Variants in ZMYND11 observed in about 807,000 individuals in gnomAD.
The protein encoded by ZMYND11 is zinc finger MYND domain-containing protein 11.
A neutral mutation model predicts 84.9 loss-of-function variants in ZMYND11; 9 were observed. The ratio of observed to expected loss-of-function variants is 0.11; its 90% CI spans 0.06 to 0.18. ZMYND11 has a LOEUF of 0.18. Ranked by LOEUF, ZMYND11 falls within the 10% of genes least tolerant of loss-of-function variation. The probability of loss-of-function intolerance (pLI) is 1.00; values close to 1 mark genes in which losing one functional copy is unlikely to be tolerated. For missense variants in ZMYND11, 409 were observed against 761.0 expected, an observed-to-expected ratio of 0.54 and a Z score of 5.44; for synonymous variants, 250 against 244.1, an observed-to-expected ratio of 1.02 and a Z score of -0.23.
upstream of ZMYND11, chr10:134,368 C>G (rs938752606): frequency 8.5e-5 from 13 of 152,206 alleles, no homozygotes; most frequent in Admixed American, 8.5e-4. Flanking sequence ...CAGGTGAACG[C>G]TATCAAAGTA....
intron 9 of ZMYND11, 106 bp from the exon 10 acceptor site, chr10:241,906 TATGAAAGAA>T: frequency 7.6e-7 from 1 of 1,313,538 alleles, no homozygotes; most frequent in African/African-American, 1.5e-5. Flanking sequence ...GTTTAGGAGT[TATGAAAGAA>T]ATATTTTAGA....
intron 3 of ZMYND11, among the ~76,000 whole-genome samples, chr10:211,473 A>G (rs1945218381): frequency 6.6e-6 from 1 of 152,178 alleles, no homozygotes; most frequent in South Asian, 2.1e-4. Flanking sequence ...TTCTGGCTCT[A>G]CAGCAGATGA....
At chr10:158,920 T>C (rs1842306750) in intron 1 of ZMYND11, among the ~76,000 whole-genome samples, 1 of 151,652 alleles carries the variant, frequency 6.6e-6, no homozygotes, top group Non-Finnish European at 1.5e-5. Flanking sequence ...TGTATTTCTA[T>C]TGTTGTAATA....
intron 4 of ZMYND11, among the ~76,000 whole-genome samples, chr10:225,790 C>T (rs756429168): frequency 2.0e-5 from 3 of 152,210 alleles, no homozygotes; most frequent in African/African-American, 4.8e-5. Context: ...GGCTTGCAAG[C>T]CTGCTGGTGA....
upstream of ZMYND11, among the ~76,000 whole-genome samples, chr10:133,975 C>T (rs1377110312): frequency 6.6e-6 from 1 of 152,226 alleles, no homozygotes; most frequent in East Asian, 1.9e-4. Context: ...TAGAAACCAG[C>T]TGTAGAAGCA....
intron 3 of ZMYND11, among the ~76,000 whole-genome samples, chr10:218,786 A>G (rs1254089724): frequency 6.6e-6 from 1 of 152,212 alleles, no homozygotes; most frequent in African/African-American, 2.4e-5. Context: ...AGGTTCTTTG[A>G]CATACATGTT....
Position 237,678 on chromosome 10 carries a change from GT to G in ZMYND11, c.609+2del. On this transcript the variant is annotated splice_donor_variant, in intron 6 of 14. Coordinates refer to ENST00000381604, the MANE Select transcript of ZMYND11 (RefSeq NM_001370100.5). LOFTEE classifies it high-confidence loss of function. ...TGTGGACGTTCCCACCATTCAAGAG[GT>G]AAAGTCGGTTTCTTTTATTTCCACT... 1 of 1,601,714 alleles carries G rather than the reference GT, an allele frequency of 6.2e-7. No homozygotes were observed.
intron 2 of ZMYND11, among the ~76,000 whole-genome samples, chr10:184,294 T>C (rs1016455357): frequency 6.6e-6 from 1 of 152,092 alleles, no homozygotes; most frequent in African/African-American, 2.4e-5. Flanking sequence ...GATTATGTTA[T>C]TATTTTCTTA....
At chr10:248,140 T>G (rs565014162) in intron 12 of ZMYND11, among the ~76,000 whole-genome samples, 196 bp from the exon 13 acceptor site, 21 of 152,336 alleles carry the variant, frequency 1.4e-4, no homozygotes, top group Middle Eastern at 3.4e-3. Flanking sequence ...TTTCATTCAC[T>G]AATTGGGGGA....
intron 1 of ZMYND11, among the ~76,000 whole-genome samples, chr10:162,627 GTTC>G (rs1843168278): frequency 6.6e-6 from 1 of 151,936 alleles, no homozygotes; most frequent in Non-Finnish European, 1.5e-5. Context: ...ATTCTTCTTA[GTTC>G]TTCTGATATC....
chr10:151,859 C>A (rs189099829), intron 1 of ZMYND11, among the ~76,000 whole-genome samples: 5 of 152,174 alleles, frequency 3.3e-5, no homozygotes, highest in African/African-American at 1.2e-4. Context: ...AGACTAACAG[C>A]TGATCTCTTG....
At chr10:132,938 C>A (rs1554750229), upstream of ZMYND11, among the ~76,000 whole-genome samples, 1 of 152,168 alleles carries the variant, frequency 6.6e-6, no homozygotes, top group Non-Finnish European at 1.5e-5. Context: ...TGTCTGTATT[C>A]AATTGTATAA....
chr10:150,157 G>C (rs1351216096), intron 1 of ZMYND11, among the ~76,000 whole-genome samples: 1 of 152,226 alleles, frequency 6.6e-6, no homozygotes, highest in East Asian at 1.9e-4. Flanking sequence ...CCCTCTTTTT[G>C]TATTGATTGG....
At position 252,229 on chromosome 10, in the gene ZMYND11, C is replaced by T. The variant is rs1033121071; in HGVS notation, c.1687-119C>T. 12 of 1,270,066 alleles carry T rather than the reference C, an allele frequency of 9.4e-6. No homozygotes were observed. The highest frequency in any genetic ancestry group is 2.1e-5 in the Admixed American group (1 of 48,102). The allele number at this position is 1,270,066 out of a possible 1,614,324, so 78.7% of individuals were successfully genotyped here. A position where few individuals can be genotyped will look rare whatever the true frequency, so the allele number is the denominator to read the frequency against. ...CTGTGCATAAAACGTATTCAGATTC[C>T]ACAAAAGGTTGAGCCAGAAAGATCT... On this transcript the variant is annotated intron_variant, in intron 14 of 14. Coordinates refer to ENST00000381604, the MANE Select transcript of ZMYND11 (RefSeq NM_001370100.5). This position sits in a 1 kb window ranked among gnomAD's most constrained non-coding sequence, Gnocchi z 4.6.
At chr10:171,979 G>C (rs1845430803) in intron 1 of ZMYND11, among the ~76,000 whole-genome samples, 1 of 152,192 alleles carries the variant, frequency 6.6e-6, no homozygotes. Context: ...GGAAGTCCAA[G>C]ATCAAAACCA....
intron 2 of ZMYND11, among the ~76,000 whole-genome samples, chr10:205,503 A>G (rs1169322981): frequency 6.6e-6 from 1 of 151,978 alleles, no homozygotes; most frequent in Non-Finnish European, 1.5e-5. Context: ...CAGCCAGGGC[A>G]ACATAGTGAG....
At chr10:131,311 A>G (rs1200359639), upstream of ZMYND11, among the ~76,000 whole-genome samples, 5 of 152,162 alleles carry the variant, frequency 3.3e-5, no homozygotes, top group Non-Finnish European at 5.9e-5. Flanking sequence ...CTTCTAACAA[A>G]TACTGTACAT....
rs1029323487 is a variant in ZMYND11 at position 187,527 on chromosome 10, G to A, written c.116+7399G>A. On this transcript the variant is annotated intron_variant, in intron 2 of 14. Coordinates refer to ENST00000381604, the MANE Select transcript of ZMYND11 (RefSeq NM_001370100.5). The stretch of plus-strand genomic sequence containing the variant: ...CGGGCGCCTGTAGTCCCAGCTACTC[G>A]GGAGGCTGAGGCAGGAGAATGGGGT... Among the ~76,000 whole-genome samples, 5 of 151,908 alleles carry A rather than the reference G, an allele frequency of 3.3e-5. No individual in the cohort carries two copies. In the East Asian group the frequency reaches 5.8e-4, roughly 18 times the overall value.
intron 2 of ZMYND11, among the ~76,000 whole-genome samples, chr10:201,585 T>TACATACACACACACACACACACACAC (rs1943151177): frequency 6.8e-6 from 1 of 146,064 alleles, no homozygotes; most frequent in Non-Finnish European, 1.5e-5. Context: ...TACCATGAAA[T>TACATACACACACACACACACACACAC]ACACACACAC....
Sources: gnomAD v4.1 joint callset for allele counts (sites outside exome capture counted in the v4.1 genomes callset) on GRCh38, gnomAD v4.1.1 for gene constraint, Gnocchi (gnomAD v3.1) non-coding constraint, MANE v1.5 for transcripts, NCBI Gene and HGNC (gene_info 2026-07-23, HGNC 2026-07-21) for gene names.